The following PTPRM variants were observed in gnomAD, a reference collection of about 807,000 sequenced individuals.
The protein encoded by PTPRM is receptor-type tyrosine-protein phosphatase mu.
Under a neutral mutation model 186.7 loss-of-function variants are expected in PTPRM, and 47 were observed. That is an observed-to-expected ratio of 0.25 (90% confidence interval 0.20 to 0.32). PTPRM has a LOEUF of 0.32. Among genes scored for constraint, PTPRM ranks in the 10% least tolerant of loss-of-function variants. PTPRM has a pLI of 1.00. For synonymous variants in PTPRM, 668 were observed against 674.9 expected (o/e 0.99, Z 0.16); for missense variants, 1,494 against 1,865.0 (o/e 0.80, Z 3.66).
intron 3 of PTPRM, among the ~76,000 whole-genome samples, chr18:7,902,834 C>CTTTTTTTTTTTTTTTTTT (rs34332223): frequency 7.7e-6 from 1 of 130,098 alleles, no homozygotes; most frequent in African/African-American, 2.8e-5. Flanking sequence ...TCTTCTCTGC[C>CTTTTTTTTTTTTTTTTTT]TTTTTTTTTT....
intron 14 of PTPRM, among the ~76,000 whole-genome samples, chr18:8,204,822 T>G (rs2093905946): frequency 6.6e-6 from 1 of 152,132 alleles, no homozygotes; most frequent in African/African-American, 2.4e-5. Context: ...CAAAACCAAT[T>G]TTTTTGAGGA....
At chr18:7,947,202 G>A (rs868738563) in intron 5 of PTPRM, among the ~76,000 whole-genome samples, 3 of 152,172 alleles carry the variant, frequency 2.0e-5, no homozygotes, top group Non-Finnish European at 2.9e-5. Context: ...GTGTTCCGGC[G>A]CTTGGGCGGG....
chr18:8,051,127 T>G (rs2087466048), intron 7 of PTPRM, among the ~76,000 whole-genome samples: 1 of 152,224 alleles, frequency 6.6e-6, no homozygotes, highest in African/African-American at 2.4e-5. Flanking sequence ...TCTGTGGAAC[T>G]GCTGAATCTT....
At chr18:8,069,288 CT>C (rs1398811109) in intron 7 of PTPRM, among the ~76,000 whole-genome samples, 1 of 152,108 alleles carries the variant, frequency 6.6e-6, no homozygotes, top group Non-Finnish European at 1.5e-5. Context: ...TTCATCATTG[CT>C]TTGAATTCTT....
chr18:7,771,136 G>C (rs528938213), intron 1 of PTPRM, among the ~76,000 whole-genome samples: 1 of 152,310 alleles, frequency 6.6e-6, no homozygotes, highest in African/African-American at 2.4e-5. Context: ...TAGTGCAATA[G>C]TGGTTTTGTA....
chr18:7,649,014 G>A (rs78596119), intron 1 of PTPRM, among the ~76,000 whole-genome samples: 2,601 of 152,252 alleles, frequency 0.017, 79 homozygotes, highest in African/African-American at 0.059. Context: ...CTCTTGTTAG[G>A]GACTAATGCA....
intron 19 of PTPRM, among the ~76,000 whole-genome samples, chr18:8,280,910 G>T (rs1349979911): frequency 1.3e-5 from 2 of 152,118 alleles, no homozygotes; most frequent in African/African-American, 4.8e-5. Context: ...GTCTAATTGT[G>T]CCAGTAAAAA....
chr18:8,395,223 T>G (rs945526703), intron 32 of PTPRM, among the ~76,000 whole-genome samples: 9 of 151,966 alleles, frequency 5.9e-5, no homozygotes, highest in Non-Finnish European at 1.3e-4. Flanking sequence ...GTTTTTGCAC[T>G]TCTCTGTGAG....
chr18:8,384,816 C>T, intron 30 of PTPRM, 130 bp downstream of exon 30: 1 of 1,154,580 alleles, frequency 8.7e-7, no homozygotes, highest in Non-Finnish European at 1.2e-6. Context: ...ACCAAAAAAA[C>T]ATAGATTCCT....
chr18:8,149,987 T>A (rs985620845), intron 14 of PTPRM, among the ~76,000 whole-genome samples: 7 of 152,230 alleles, frequency 4.6e-5, no homozygotes, highest in Admixed American at 3.9e-4. Flanking sequence ...CACTCTCTTC[T>A]GACTTGTAGG....
At chr18:8,124,762 C>T (rs1005483039) in intron 13 of PTPRM, among the ~76,000 whole-genome samples, 1 of 152,108 alleles carries the variant, frequency 6.6e-6, no homozygotes, top group Non-Finnish European at 1.5e-5. Flanking sequence ...CCCATTCAAC[C>T]GTTGTGTTTA....
At chr18:8,393,221 C>G (rs1389876403) in intron 31 of PTPRM, among the ~76,000 whole-genome samples, 1 of 152,202 alleles carries the variant, frequency 6.6e-6, no homozygotes, top group Non-Finnish European at 1.5e-5. Flanking sequence ...ACATCCTGAA[C>G]CCCTGGGAGG....
chr18:8,233,978 T>C (rs2094316461), intron 14 of PTPRM, among the ~76,000 whole-genome samples: 1 of 152,174 alleles, frequency 6.6e-6, no homozygotes, highest in Non-Finnish European at 1.5e-5. Context: ...GTCCTAGTGA[T>C]CTGTTTGTCT....
At chr18:7,870,919 A>G (rs1293243466) in intron 2 of PTPRM, among the ~76,000 whole-genome samples, 1 of 152,202 alleles carries the variant, frequency 6.6e-6, no homozygotes, top group African/African-American at 2.4e-5. Context: ...AACTCCAACA[A>G]TAATGGTTAG....
intron 22 of PTPRM, among the ~76,000 whole-genome samples, chr18:8,321,432 C>G (rs1161191130): frequency 5.3e-5 from 8 of 152,192 alleles, no homozygotes; most frequent in Admixed American, 2.6e-4. Flanking sequence ...CCCTCTCCCC[C>G]TGTAAGAGAT....
intron 7 of PTPRM, among the ~76,000 whole-genome samples, chr18:8,015,390 C>A (rs1489601738): frequency 6.6e-6 from 1 of 151,976 alleles, no homozygotes; most frequent in Non-Finnish European, 1.5e-5. Flanking sequence ...CTTCTCAAAC[C>A]TCTACCTTTT....
At chr18:7,931,212 ATCAT>A (rs1402214695) in intron 5 of PTPRM, among the ~76,000 whole-genome samples, 1 of 144,654 alleles carries the variant, frequency 6.9e-6, no homozygotes, top group African/African-American at 2.6e-5. Context: ...ATTTATGGAA[ATCAT>A]TCAAGCACCC....
chr18:8,073,144 G>T (rs1033977083), intron 8 of PTPRM, among the ~76,000 whole-genome samples: 6 of 152,242 alleles, frequency 3.9e-5, no homozygotes, highest in African/African-American at 1.4e-4. Context: ...TATTTGTTTT[G>T]TCTAACTCTT....
At chr18:8,231,841 A>G (rs527854233) in intron 14 of PTPRM, among the ~76,000 whole-genome samples, 1 of 152,056 alleles carries the variant, frequency 6.6e-6, no homozygotes, top group Non-Finnish European at 1.5e-5. Context: ...CGGAGTTCCC[A>G]TATAGTTCTA....
Sources: gnomAD v4.1 joint callset for allele counts (sites outside exome capture counted in the v4.1 genomes callset) on GRCh38, gnomAD v4.1.1 for gene constraint, MANE v1.5 for transcripts, NCBI Gene and HGNC (gene_info 2026-07-23, HGNC 2026-07-21) for gene names.